The following ACSS3 variants were observed in gnomAD, a reference collection of about 807,000 sequenced individuals.
ACSS3 encodes acyl-CoA synthetase short chain family member 3.
A neutral mutation model predicts 84.2 loss-of-function variants in ACSS3; 64 were observed. The observed-to-expected ratio is 0.76, with a 90% CI of 0.62 to 0.94. ACSS3 has a LOEUF of 0.94. Among genes scored for constraint, ACSS3 ranks in the 40% least tolerant of loss-of-function variants. ACSS3 has a pLI of 0.00. For missense variants in ACSS3, 815 were observed against 867.6 expected (o/e 0.94, Z 0.76); for synonymous variants, 317 against 310.1 (o/e 1.02, Z -0.23).
intron 13 of ACSS3, among the ~76,000 whole-genome samples, chr12:81,246,910 G>A (rs1480022132): frequency 2.0e-5 from 3 of 152,076 alleles, no homozygotes; most frequent in Admixed American, 1.3e-4. Context: ...TATAGCAAAC[G>A]TGCTTATGTA....
At chr12:81,101,361 C>G (rs554262694) in intron 1 of ACSS3, among the ~76,000 whole-genome samples, 1 of 151,976 alleles carries the variant, frequency 6.6e-6, no homozygotes, top group Non-Finnish European at 1.5e-5. Flanking sequence ...AATACGTGCT[C>G]AAATAACTCA....
intron 1 of ACSS3, among the ~76,000 whole-genome samples, chr12:81,095,862 G>C (rs543461278): frequency 1.3e-5 from 2 of 152,154 alleles, no homozygotes; most frequent in African/African-American, 4.8e-5. Flanking sequence ...GTGGGACTAA[G>C]GAATGCCTCT....
At chr12:81,240,698 C>T (rs965841412) in intron 13 of ACSS3, among the ~76,000 whole-genome samples, 4 of 151,976 alleles carry the variant, frequency 2.6e-5, no homozygotes, top group African/African-American at 9.7e-5. Flanking sequence ...CCTTTCTTAA[C>T]ATATTAAATA....
intron 10 of ACSS3, among the ~76,000 whole-genome samples, chr12:81,219,676 CT>C (rs1190181456): frequency 6.6e-6 from 1 of 151,900 alleles, no homozygotes; most frequent in Non-Finnish European, 1.5e-5. Context: ...ATTTCCTTTA[CT>C]TTTTAAAAAG....
At chr12:81,135,954 A>T (rs1232544542) in intron 3 of ACSS3, among the ~76,000 whole-genome samples, 1 of 152,138 alleles carries the variant, frequency 6.6e-6, no homozygotes, top group Non-Finnish European at 1.5e-5. Context: ...GACATACAAG[A>T]AAAGGACTAA....
At chr12:81,218,735 T>C (rs1039121561) in intron 10 of ACSS3, among the ~76,000 whole-genome samples, 4 of 152,146 alleles carry the variant, frequency 2.6e-5, no homozygotes, top group African/African-American at 7.2e-5. Context: ...AGTATTTCAG[T>C]GCCATTTTTA....
chr12:81,223,416 G>C (rs560522017), intron 11 of ACSS3, among the ~76,000 whole-genome samples: 1 of 152,174 alleles, frequency 6.6e-6, no homozygotes, highest in East Asian at 1.9e-4. Context: ...TCTTGGGAAA[G>C]AGCCAAGGAA....
intron 8 of ACSS3, among the ~76,000 whole-genome samples, chr12:81,193,111 G>A (rs1339023292): frequency 6.6e-6 from 1 of 152,144 alleles, no homozygotes; most frequent in African/African-American, 2.4e-5. Context: ...CATTTTAAAA[G>A]TGAATTCTAA....
chr12:81,098,151 A>AGAGT (rs369995298), intron 1 of ACSS3, among the ~76,000 whole-genome samples: 29,986 of 127,952 alleles, frequency 0.23, 3,370 homozygotes, highest in Non-Finnish European at 0.26. Context: ...AGAGAGAGAG[A>AGAGT]GTGTGTGTGT....
chr12:81,214,356 G>C (rs529748954), intron 9 of ACSS3, among the ~76,000 whole-genome samples: 82 of 152,022 alleles, frequency 5.4e-4, no homozygotes, highest in Non-Finnish European at 1.1e-3. Context: ...TCCTTTGAAT[G>C]AATCAATCAA....
intron 11 of ACSS3, among the ~76,000 whole-genome samples, chr12:81,225,593 C>T (rs185214658): frequency 3.3e-5 from 5 of 152,070 alleles, no homozygotes; most frequent in Admixed American, 3.3e-4. Flanking sequence ...GTAAAGTTCA[C>T]CTGATGAACA....
intron 9 of ACSS3, among the ~76,000 whole-genome samples, chr12:81,215,686 T>C (rs901871678): frequency 2.0e-5 from 3 of 152,210 alleles, no homozygotes; most frequent in Non-Finnish European, 4.4e-5. Context: ...ACTAAGCAAG[T>C]AATTCCCAAA....
At chr12:81,165,258 A>G (rs1025534117) in intron 7 of ACSS3, among the ~76,000 whole-genome samples, 1 of 152,196 alleles carries the variant, frequency 6.6e-6, no homozygotes, top group African/African-American at 2.4e-5. Flanking sequence ...GTCAGCTCCA[A>G]ATCATGCTAG....
At chr12:81,163,416 G>A (rs1319572332) in intron 7 of ACSS3, among the ~76,000 whole-genome samples, 1 of 151,844 alleles carries the variant, frequency 6.6e-6, no homozygotes, top group East Asian at 1.9e-4. Context: ...CTGCCAATGG[G>A]GTAAAAGTAT....
At chr12:81,124,113 G>A (rs1011150589) in intron 2 of ACSS3, among the ~76,000 whole-genome samples, 2 of 152,118 alleles carry the variant, frequency 1.3e-5, no homozygotes, top group Admixed American at 1.3e-4. Flanking sequence ...CAAACTGTGT[G>A]TATGTGTTCC....
At chr12:81,094,604 C>T (rs1881903539) in intron 1 of ACSS3, 1 of 152,162 alleles carries the variant, frequency 6.6e-6, no homozygotes, top group Admixed American at 6.5e-5. Context: ...TTCAACATCT[C>T]TCCATGGACA....
At chr12:81,083,064 A>C (rs1881085352) in intron 1 of ACSS3, among the ~76,000 whole-genome samples, 1 of 152,226 alleles carries the variant, frequency 6.6e-6, no homozygotes, top group African/African-American at 2.4e-5. Flanking sequence ...AGATGACAAA[A>C]ACATAGAGGT....
At chr12:81,223,150 G>A (rs1453075384) in intron 11 of ACSS3, among the ~76,000 whole-genome samples, 1 of 152,026 alleles carries the variant, frequency 6.6e-6, no homozygotes, top group Non-Finnish European at 1.5e-5. Flanking sequence ...TGTTATTAAA[G>A]CCATAGGTCT....
chr12:81,116,043 A>T (rs4466902), intron 2 of ACSS3, among the ~76,000 whole-genome samples: 80,413 of 151,762 alleles, frequency 0.53, 21,694 homozygotes, highest in East Asian at 0.68. Flanking sequence ...TGACCCAACC[A>T]TATGTTTCTG....
Sources: gnomAD v4.1 joint callset for allele counts (sites outside exome capture counted in the v4.1 genomes callset) on GRCh38, gnomAD v4.1.1 for gene constraint, MANE v1.5 for transcripts, NCBI Gene and HGNC (gene_info 2026-07-23, HGNC 2026-07-21) for gene names.